The following NUP54 variants were observed in gnomAD, a reference collection of about 807,000 sequenced individuals.
NUP54 encodes nucleoporin p54.
Under a neutral mutation model 66.4 loss-of-function variants are expected in NUP54, and 27 were observed. The observed-to-expected ratio is 0.41, with a 90% CI of 0.30 to 0.56. The LOEUF (loss-of-function observed/expected upper bound fraction) is 0.56, where lower values mean the gene tolerates loss of function less well. NUP54 is among the 20% of genes least tolerant of loss of function. NUP54 has a pLI of 0.34. For missense variants in NUP54, 486 were observed against 596.3 expected (o/e 0.82, Z 1.93); for synonymous variants, 206 against 210.7 (o/e 0.98, Z 0.19).
intron 9 of NUP54, among the ~76,000 whole-genome samples, chr4:76,120,093 T>C (rs1214991463): frequency 1.3e-5 from 2 of 152,222 alleles, no homozygotes; most frequent in Non-Finnish European, 2.9e-5. Flanking sequence ...ATATACATTT[T>C]GTTTTCACAC....
intron 8 of NUP54, among the ~76,000 whole-genome samples, chr4:76,125,657 A>G (rs181229972): frequency 0.021 from 407 of 19,592 alleles, 14 homozygotes; most frequent in African/African-American, 0.058. Flanking sequence ...GGGGAGAGGG[A>G]GAGAGGGGGA....
rs377169221 is a variant in NUP54 at position 76,125,782 on chromosome 4, AGG to A, written c.1057-1028_1057-1027del. 6.3e-5 allele frequency among the ~76,000 whole-genome samples: 2 copies of A among 31,644 alleles called. 1 individual carries two copies. The highest frequency in any genetic ancestry group is 2.9e-4 in the African/African-American group (2 of 6,824). The allele number at this position is 31,644 out of a possible 152,430, so 20.8% of individuals were successfully genotyped here. A position where few individuals can be genotyped will look rare whatever the true frequency, so the allele number is the denominator to read the frequency against. On this transcript the variant is annotated intron_variant, in intron 8 of 11. Transcript: ENST00000264883. ...GGGGGAGAGGGGGAGAGAGGGAGAG[AGG>A]GGGAGAGAGGGAGAGGGAGAGAGAG...
At chr4:76,125,316 T>TCTCACA (rs1730424773) in intron 8 of NUP54, among the ~76,000 whole-genome samples, 1 of 125,284 alleles carries the variant, frequency 8.0e-6, no homozygotes, top group African/African-American at 2.7e-5. Context: ...TGAGACTCCA[T>TCTCACA]CACACACACA....
intron 9 of NUP54, among the ~76,000 whole-genome samples, chr4:76,123,145 C>T (rs142686668): frequency 6.1e-4 from 93 of 152,230 alleles, no homozygotes; most frequent in African/African-American, 2.0e-3. Context: ...AACGGTTATA[C>T]AAGTCTCTGA....
intron 8 of NUP54, among the ~76,000 whole-genome samples, chr4:76,128,853 T>C (rs1730654979): frequency 6.6e-6 from 1 of 152,200 alleles, no homozygotes; most frequent in African/African-American, 2.4e-5. Context: ...ATTCTGCATG[T>C]TCTCACTCAT....
chr4:76,116,887 C>T (rs777460930), intron 11 of NUP54, among the ~76,000 whole-genome samples: 4 of 152,034 alleles, frequency 2.6e-5, no homozygotes, highest in Non-Finnish European at 5.9e-5. Flanking sequence ...ATCTTTTTGG[C>T]GAGGAGAGGG....
chr4:76,132,511 C>G lies in NUP54; in HGVS notation c.907+12G>C. On this transcript the variant is annotated intron_variant, in intron 6 of 11. Coordinates refer to ENST00000264883, the MANE Select transcript of NUP54 (RefSeq NM_017426.4). Reference sequence around the variant, plus strand: ...TTCTTTTTTTTTGAACTCTGTGATTCTAGAAACATACCAGCAGGAGGATTC... The same window carrying G: ...TTCTTTTTTTTTGAACTCTGTGATTGTAGAAACATACCAGCAGGAGGATTC... The G allele has an allele frequency of 6.4e-7, 1 of 1,554,884 alleles. No homozygotes were observed. The highest frequency in any genetic ancestry group is 8.7e-7 in the Non-Finnish European group (1 of 1,150,116).
At chr4:76,117,867 T>C in intron 10 of NUP54, 93 bp from the exon 11 acceptor site, 17 of 1,149,328 alleles carry the variant, frequency 1.5e-5, no homozygotes, top group Non-Finnish European at 2.2e-5. Flanking sequence ...AAACCATCTA[T>C]TAAAAATTTC....
chr4:76,136,112 T>A (rs1731027440), intron 4 of NUP54, 74 bp downstream of exon 4: 1 of 979,578 alleles, frequency 1.0e-6, no homozygotes, highest in Non-Finnish European at 1.6e-6. Context: ...GCAATTGTTA[T>A]CTTGATATTA....
chr4:76,124,930 A>T lies in NUP54; in HGVS notation c.1057-174T>A, dbSNP rs577461373. Among the ~76,000 whole-genome samples the T allele has an allele frequency of 2.6e-5, 4 of 152,254 alleles. No individual in the cohort carries two copies. In the East Asian group the frequency reaches 5.8e-4, roughly 22 times the overall value. On this transcript the variant is annotated intron_variant, in intron 8 of 11. Coordinates refer to ENST00000264883, the MANE Select transcript of NUP54 (RefSeq NM_017426.4). ...TTTCTTCCCTTTTTACATACCTAAA[A>T]TTTTTTTAAAAGAATCATGCAAAGA...
chr4:76,148,151 T>C (rs1731593413), intron 1 of NUP54, 157 bp downstream of exon 1: 2 of 549,400 alleles, frequency 3.6e-6, no homozygotes, highest in Non-Finnish European at 5.8e-6. Context: ...GGGTGCCGCC[T>C]CGGCCCACTC....
intron 8 of NUP54, among the ~76,000 whole-genome samples, chr4:76,125,756 AGGGG>A (rs1216138658): frequency 0.022 from 403 of 18,348 alleles, 41 homozygotes; most frequent in East Asian, 0.083. Context: ...AGAGGGGGAG[AGGGG>A]GAGAGGGGGA....
At chr4:76,146,215 A>C (rs735697) in intron 1 of NUP54, 1 of 306,168 alleles carries the variant, frequency 3.3e-6, no homozygotes, top group Non-Finnish European at 6.5e-6. Context: ...GTTAAAACAT[A>C]TTACATTATC....
At chr4:76,143,121 T>A (rs1307590565) in intron 3 of NUP54, among the ~76,000 whole-genome samples, 3 of 151,062 alleles carry the variant, frequency 2.0e-5, no homozygotes, top group Non-Finnish European at 4.4e-5. Flanking sequence ...AAAATAGGCC[T>A]ATAAAATAGT....
At chr4:76,138,051 G>C (rs1578689551) in intron 3 of NUP54, among the ~76,000 whole-genome samples, 1 of 152,120 alleles carries the variant, frequency 6.6e-6, no homozygotes, top group African/African-American at 2.4e-5. Context: ...TTCTCTTTCA[G>C]CTCTAAACAT....
chr4:76,142,266 T>C (rs1023003985), intron 3 of NUP54, among the ~76,000 whole-genome samples: 7 of 152,222 alleles, frequency 4.6e-5, no homozygotes, highest in Non-Finnish European at 1.5e-5. Flanking sequence ...TGCAGGATTG[T>C]AGAAAAGACG....
intron 8 of NUP54, among the ~76,000 whole-genome samples, chr4:76,128,378 A>G (rs1440383792): frequency 1.3e-5 from 2 of 149,608 alleles, no homozygotes; most frequent in African/African-American, 5.0e-5. Context: ...TTGAAATAAT[A>G]GATTAAAAGG....
In NUP54 at chr4:76,148,365, T is replaced by C; in HGVS notation, c.10A>G (p.Asn4Asp). 6.5e-7 allele frequency: 1 copy of C among 1,543,414 alleles called. No individual in the cohort carries two copies. The highest frequency in any genetic ancestry group is 1.2e-5 in the South Asian group (1 of 81,088). ...GAGGTGCCCGAGGGAGCCCCAAAAT[T>C]GAAGGCCATGTCGCGAAAGCAGGAG... MAF[N>D]FGAPSGTSGT... The change falls in exon 1 of 12, where the codon AAT becomes GAT. Residue 4 changes from asparagine to aspartate, a missense_variant. Asn to Asp is a conservative substitution (Grantham distance 23, BLOSUM62 1). Coordinates refer to ENST00000264883, the MANE Select transcript of NUP54 (RefSeq NM_017426.4).
At chr4:76,143,586 A>T (rs1443928550) in intron 3 of NUP54, among the ~76,000 whole-genome samples, 36 of 152,388 alleles carry the variant, frequency 2.4e-4, no homozygotes, top group African/African-American at 8.4e-4. Flanking sequence ...CCTGGGCGAC[A>T]GAGCAAGACT....
Sources: gnomAD v4.1 joint callset for allele counts (sites outside exome capture counted in the v4.1 genomes callset) on GRCh38, gnomAD v4.1.1 for gene constraint, MANE v1.5 for transcripts, NCBI Gene and HGNC (gene_info 2026-07-23, HGNC 2026-07-21) for gene names.